PIAS2: variants seen among roughly 807,000 people sequenced by gnomAD.
The protein encoded by PIAS2 is protein inhibitor of activated STAT 2.
PIAS2 carries 19 observed loss-of-function variants against 69.7 expected under a neutral mutation model. The observed-to-expected ratio is 0.27, with a 90% CI of 0.19 to 0.40. The LOEUF is 0.40. PIAS2 is among the 10% of genes least tolerant of loss of function. The pLI is 1.00. For missense variants in PIAS2, 624 were observed against 757.0 expected, an observed-to-expected ratio of 0.82 and a Z score of 2.06; for synonymous variants, 261 against 263.2, an observed-to-expected ratio of 0.99 and a Z score of 0.08.
chr18:46,909,624 G>T (rs1033696768), intron 1 of PIAS2, among the ~76,000 whole-genome samples: 23 of 152,210 alleles, frequency 1.5e-4, no homozygotes, highest in African/African-American at 5.3e-4. Flanking sequence ...CATTGCTGGA[G>T]AGAACGAAGA....
chr18:46,817,742 T>C, intron 12 of PIAS2: 1 of 945,172 alleles, frequency 1.1e-6, no homozygotes, highest in East Asian at 1.2e-4. Flanking sequence ...TTTCTCTCAC[T>C]GAAACCATTT....
At chr18:46,920,040 A>G (rs947548187), upstream of PIAS2, 5 of 1,288,064 alleles carry the variant, frequency 3.9e-6, no homozygotes, top group Admixed American at 9.2e-5. Context: ...AAGAAAAGCA[A>G]AGCCCCACTG....
intron 5 of PIAS2, among the ~76,000 whole-genome samples, chr18:46,849,725 TTTAAA>T (rs1188951002): frequency 2.6e-5 from 4 of 152,216 alleles, no homozygotes; most frequent in African/African-American, 9.6e-5. Flanking sequence ...ACTTTTTAAC[TTTAAA>T]TTACGGAAAT....
intron 2 of PIAS2, among the ~76,000 whole-genome samples, chr18:46,880,550 A>G (rs527979689): frequency 1.2e-4 from 18 of 152,262 alleles, no homozygotes; most frequent in African/African-American, 4.3e-4. Flanking sequence ...CCTGTGAATA[A>G]CCACTGCACT....
chr18:46,909,753 A>G (rs974673230), intron 1 of PIAS2, among the ~76,000 whole-genome samples: 34 of 152,220 alleles, frequency 2.2e-4, no homozygotes, highest in African/African-American at 8.2e-4. Flanking sequence ...ACATACAAAT[A>G]TTCACACTAA....
upstream of PIAS2, chr18:46,917,515 G>A: frequency 2.6e-6 from 3 of 1,171,186 alleles, no homozygotes; most frequent in Non-Finnish European, 2.1e-6. Flanking sequence ...CGTGAACGGC[G>A]CGGGAGCTCC....
intron 1 of PIAS2, among the ~76,000 whole-genome samples, chr18:46,905,496 T>C (rs1454762388): frequency 1.3e-5 from 2 of 151,910 alleles, no homozygotes; most frequent in African/African-American, 4.8e-5. Context: ...CAAAAATTAA[T>C]GAAACAGGAA....
intron 1 of PIAS2, among the ~76,000 whole-genome samples, chr18:46,916,029 A>C (rs142458227): frequency 1.2e-3 from 188 of 152,288 alleles, no homozygotes; most frequent in Middle Eastern, 6.8e-3. Context: ...TCAAGTATGA[A>C]CACCCTTTAC....
chr18:46,899,455 A>G (rs377554947), intron 1 of PIAS2, among the ~76,000 whole-genome samples: 10 of 152,224 alleles, frequency 6.6e-5, no homozygotes, highest in African/African-American at 2.4e-4. Flanking sequence ...GCCGAACCAG[A>G]GTAATCTAGA....
chr18:46,813,193 C>T (rs1454733383), intron 13 of PIAS2, among the ~76,000 whole-genome samples: 1 of 152,106 alleles, frequency 6.6e-6, no homozygotes, highest in Non-Finnish European at 1.5e-5. Context: ...CGGTAGCTAG[C>T]TATCACAGGA....
chr18:46,889,721 TG>T (rs2053766428), intron 2 of PIAS2, among the ~76,000 whole-genome samples: 1 of 152,208 alleles, frequency 6.6e-6, no homozygotes, highest in Admixed American at 6.5e-5. Flanking sequence ...ATTCCACTTG[TG>T]GGTATACAGC....
chr18:46,916,027 G>C (rs988690188), intron 1 of PIAS2, among the ~76,000 whole-genome samples: 1 of 152,120 alleles, frequency 6.6e-6, no homozygotes, highest in African/African-American at 2.4e-5. Flanking sequence ...TATCAAGTAT[G>C]AACACCCTTT....
rs2050800482 is a variant in PIAS2 at position 46,874,161 on chromosome 18, T to C, written c.500-9913A>G. Among the ~76,000 whole-genome samples the C allele has an allele frequency of 2.0e-5, 3 of 152,248 alleles. No homozygotes were observed. The East Asian group carries it at 5.8e-4, about 29-fold the overall frequency. ...ATTGTTTAATATGCAAAAAAACTAA[T>C]AAGCGAATCCTAAGAAAACCACCCA... On this transcript the variant is annotated intron_variant, in intron 2 of 13. Transcript: ENST00000585916.
At chr18:46,880,522 C>T (rs1412256956) in intron 2 of PIAS2, among the ~76,000 whole-genome samples, 1 of 152,176 alleles carries the variant, frequency 6.6e-6, no homozygotes, top group Non-Finnish European at 1.5e-5. Context: ...TTCAAGGATG[C>T]AGTGCACAAT....
At chr18:46,917,265 TC>T in intron 1 of PIAS2, 56 bp downstream of exon 1, 1 of 1,440,410 alleles carries the variant, frequency 6.9e-7, no homozygotes, top group Non-Finnish European at 9.2e-7. Flanking sequence ...CGTTGCGGTT[TC>T]CCCACCTCCT....
rs535880181 is a variant in PIAS2 at position 46,811,148 on chromosome 18, T to C, written c.*1285A>G. ...CCTGGAGTGTTTGGGGTAGCATGGA[T>C]TGAGACAGGAAGTGGGTTCAGGCCC... On this transcript the variant is annotated 3_prime_UTR_variant, in exon 14 of 14. Transcript: ENST00000585916. The C allele has an allele frequency of 2.0e-5, 3 of 152,230 alleles. No homozygotes were observed. Among genetic ancestry groups the C allele is most frequent in the African/African-American group, 7.2e-5 (3 of 41,526 alleles). The allele number at this position is 152,230 out of a possible 1,614,324, so 9.4% of individuals were successfully genotyped here.
In PIAS2 at chr18:46,821,034, C is replaced by A; in HGVS notation, c.1547G>T (p.Ser516Ile). 1 of 1,613,594 alleles carries A rather than the reference C, an allele frequency of 6.2e-7. No homozygotes were observed. The highest frequency in any genetic ancestry group is 8.5e-7 in the Non-Finnish European group (1 of 1,179,636). The change falls in exon 12 of 14, where the codon AGT (serine) becomes ATT (isoleucine). Residue 516 changes from serine (S) to isoleucine (I), a missense_variant. By Grantham distance (142) the Ser-to-Ile change is moderately radical. This residue lies in a region of PIAS2 where 241 missense variants were observed against 257.3 expected (regional missense o/e 0.94). Transcript: ENST00000585916. ...MYQPSSVRVP[S>I]VTSVDPAAIP... ...AGCAGCAGGATCAACCGAAGTCACACTGGGCACCCTTACAGAAGATGGCTG... is the reference window on the plus strand; with the variant it reads ...AGCAGCAGGATCAACCGAAGTCACAATGGGCACCCTTACAGAAGATGGCTG...
intron 2 of PIAS2, among the ~76,000 whole-genome samples, chr18:46,869,479 A>G (rs190091461): frequency 6.9e-6 from 1 of 144,098 alleles, no homozygotes; most frequent in African/African-American, 2.6e-5. Context: ...TCTCTAATAT[A>G]AGGAGGGACT....
At chr18:46,886,326 A>T (rs932465075) in intron 2 of PIAS2, among the ~76,000 whole-genome samples, 6 of 152,164 alleles carry the variant, frequency 3.9e-5, no homozygotes, top group Non-Finnish European at 5.9e-5. Context: ...AGGAAAAAAA[A>T]TTTTTTTAAG....
Sources: allele counts gnomAD v4.1 joint callset (sites outside exome capture counted in the v4.1 genomes callset), GRCh38; gene constraint gnomAD v4.1.1; regional missense constraint gnomAD v4.1.1; transcripts MANE v1.5; gene names NCBI Gene and HGNC (gene_info 2026-07-23, HGNC 2026-07-21).